Variants in PDPR observed in about 807,000 individuals in gnomAD.
The protein encoded by PDPR is pyruvate dehydrogenase phosphatase regulatory subunit.
In PDPR, 50 loss-of-function variants were observed where a neutral mutation model predicts 102.2. The observed-to-expected ratio is 0.49, with a 90% CI of 0.39 to 0.62. The LOEUF (loss-of-function observed/expected upper bound fraction) is 0.62, where lower values mean the gene tolerates loss of function less well. Among genes scored for constraint, PDPR ranks in the 20% least tolerant of loss-of-function variants. The pLI, the probability that PDPR is intolerant of heterozygous loss-of-function variation, is 0.00. For synonymous variants in PDPR, 259 were observed against 406.0 expected, an observed-to-expected ratio of 0.64 and a Z score of 4.35; for missense variants, 625 against 1,098.2, an observed-to-expected ratio of 0.57 and a Z score of 6.09.
At chr16:70,128,424 CACCATGCTG>C (rs1215209711) in intron 4 of PDPR, among the ~76,000 whole-genome samples, 1 of 152,242 alleles carries the variant, frequency 6.6e-6, no homozygotes, top group Non-Finnish European at 1.5e-5. Context: ...GACAGGGTTT[CACCATGCTG>C]GCCAGGCTGG....
rs541394087 is a variant in PDPR, at chr16:70,136,301, A to G, written c.1105A>G (p.Met369Val). ...CTTCACACCAGACATGAGGTGCATCATGGGCGAGTCTCCTGCAGTGCAGGG... is the reference window on the plus strand; with the variant it reads ...CTTCACACCAGACATGAGGTGCATCGTGGGCGAGTCTCCTGCAGTGCAGGG... ...ETFTPDMRCIMGESPAVQGYF... is the reference protein window; with the variant it reads ...ETFTPDMRCIVGESPAVQGYF... The change falls in exon 10 of 19, where the codon ATG (methionine) becomes GTG (valine). Residue 369 changes from methionine to valine, a missense_variant. This residue lies in a region of PDPR where 50 missense variants were observed against 79.9 expected (regional missense o/e 0.63). Coordinates refer to ENST00000288050, the MANE Select transcript of PDPR (RefSeq NM_017990.5). 1.5e-5 allele frequency: 24 copies of G among 1,613,604 alleles called. No homozygotes were observed. In the East Asian group the frequency reaches 5.1e-4, roughly 34 times the overall value.
chr16:70,133,209 G>C (rs563753053), intron 9 of PDPR, among the ~76,000 whole-genome samples: 1 of 146,286 alleles, frequency 6.8e-6, no homozygotes, highest in Admixed American at 7.2e-5. Context: ...CTGCCTCCCC[G>C]GTTCAAGTGA....
chr16:70,133,741 G>GTTTTTTTGT (rs1555524469), intron 9 of PDPR, among the ~76,000 whole-genome samples: 7 of 149,064 alleles, frequency 4.7e-5, no homozygotes, highest in Non-Finnish European at 1.0e-4. Context: ...TTGTTTTTTT[G>GTTTTTTTGT]TTTTTTTTTG....
intron 17 of PDPR, among the ~76,000 whole-genome samples, chr16:70,149,591 C>CT (rs1270871455): frequency 6.6e-6 from 1 of 152,220 alleles, no homozygotes; most frequent in African/African-American, 2.4e-5. Flanking sequence ...TCTTAGAGCT[C>CT]TTTCTTTGTT....
intron 6 of PDPR, 44 bp from the exon 7 acceptor site, chr16:70,130,379 G>A (rs373147424): frequency 1.4e-4 from 221 of 1,607,298 alleles, no homozygotes; most frequent in Admixed American, 5.1e-4. Flanking sequence ...CCTTCATTCT[G>A]GAACATCAGA....
At chr16:70,154,518 G>A (rs564226918) in intron 18 of PDPR, among the ~76,000 whole-genome samples, 16 of 152,394 alleles carry the variant, frequency 1.0e-4, no homozygotes, top group East Asian at 5.8e-4. Context: ...GTGTTCTGCT[G>A]TCTAAAAGAC....
chr16:70,123,280 A>G (rs1963541442), intron 3 of PDPR, among the ~76,000 whole-genome samples: 1 of 152,282 alleles, frequency 6.6e-6, no homozygotes, highest in Admixed American at 6.5e-5. Context: ...GCTGTCACTC[A>G]GGCTGGAGTG....
At chr16:70,122,269 G>A (rs1407598253) in intron 3 of PDPR, among the ~76,000 whole-genome samples, 3 of 152,280 alleles carry the variant, frequency 2.0e-5, no homozygotes, top group Non-Finnish European at 4.4e-5. Flanking sequence ...TTACAGGCGC[G>A]AGCCACCACA....
At position 70,129,028 on chromosome 16, in the gene PDPR, G is replaced by A. The variant is rs1245588884; in HGVS notation, c.513G>A (p.Val171=). 2 of 1,613,778 alleles carry A rather than the reference G, an allele frequency of 1.2e-6. No homozygotes were observed. The highest frequency in any genetic ancestry group is 2.7e-5 in the African/African-American group (2 of 74,956). The change falls in exon 6 of 19, where the codon GTG becomes GTA. Residue 171 remains valine, a synonymous_variant. Coordinates refer to ENST00000288050, the MANE Select transcript of PDPR (RefSeq NM_017990.5). ...KVAELHHLLN[V]HDLVGAMHVP... is the part of the protein sequence containing the mutation. ...CCGAGCTTCACCATCTCCTCAACGT[G>A]CACGACCTGGTGGGGGCCATGCATG...
intron 17 of PDPR, among the ~76,000 whole-genome samples, chr16:70,150,453 T>A (rs559571077): frequency 6.6e-6 from 1 of 152,330 alleles, no homozygotes; most frequent in Non-Finnish European, 1.5e-5. Context: ...TTGTGACAGG[T>A]AGCAATCAAT....
In PDPR at chr16:70,127,846, T is replaced by C. The variant is rs1283552629; in HGVS notation, c.361+453T>C. 3.9e-5 allele frequency among the ~76,000 whole-genome samples: 6 copies of C among 152,304 alleles called. No homozygotes were observed. The East Asian group carries it at 1.2e-3, about 29-fold the overall frequency. ...GAGCTTGTTGGGAGGAGCTTGGGCC[T>C]GTGGAGTTGGCAGGAGGCTGCCAGC... On this transcript the variant is annotated intron_variant, in intron 4 of 18. Coordinates refer to ENST00000288050, the MANE Select transcript of PDPR (RefSeq NM_017990.5).
At position 70,161,281 on chromosome 16, in the gene PDPR, C is replaced by CAAAA. The variant is rs56353884; in HGVS notation, c.*4418_*4421dup. The CAAAA allele has an allele frequency of 0.2, 25,392 of 128,064 alleles. 665 individuals are homozygous for CAAAA. The highest frequency in any genetic ancestry group is 0.27 in the Non-Finnish European group (16,275 of 60,150). 7.9% of individuals were successfully genotyped at this position (128,064 alleles called of 1,614,324 possible). A position where few individuals can be genotyped will look rare whatever the true frequency, so the allele number is the denominator to read the frequency against. The stretch of plus-strand genomic sequence containing the variant: ...GGGTAACAGAGTGAGACTCTTGTCT[C>CAAAA]AAAAAAAAAAAAAAAAAAATCTAAG... On this transcript the variant is annotated 3_prime_UTR_variant, in exon 19 of 19. Coordinates refer to ENST00000288050, the MANE Select transcript of PDPR (RefSeq NM_017990.5).
chr16:70,149,882 C>G (rs1966571583), intron 17 of PDPR, among the ~76,000 whole-genome samples: 1 of 152,218 alleles, frequency 6.6e-6, no homozygotes, highest in South Asian at 2.1e-4. Context: ...GCTCCGCCTC[C>G]CGGGTTCACG....
At chr16:70,156,269 AC>A (rs1337289384) in intron 18 of PDPR, 3 of 625,858 alleles carry the variant, frequency 4.8e-6, no homozygotes, top group East Asian at 2.8e-5. Flanking sequence ...CTCTGTTGTT[AC>A]AAAAATTACC....
At chr16:70,133,420 C>CTTTTTTTTTTT (rs1964749817) in intron 9 of PDPR, among the ~76,000 whole-genome samples, 2 of 76,766 alleles carry the variant, frequency 2.6e-5, no homozygotes, top group African/African-American at 1.3e-4. Context: ...CTGCGTCTGG[C>CTTTTTTTTTTT]CTTTTTTTTT....
Position 70,156,543 on chromosome 16 carries a change from C to G in PDPR, c.2304C>G (p.Thr768=). The G allele has an allele frequency of 6.2e-7, 1 of 1,614,086 alleles. No individual in the cohort carries two copies. The highest frequency in any genetic ancestry group is 8.5e-7 in the Non-Finnish European group (1 of 1,179,910). Residue 768 remains threonine (T), a synonymous_variant, in exon 19 of 19, where the codon ACC becomes ACG. Transcript: ENST00000288050. ...AGAATGGAGTGTATAAACGCCTCAC[C>G]ATGTTCATCCTGGACGACCATGATT... The part of the protein sequence containing the change: ...QKQNGVYKRL[T]MFILDDHDSD...
At chr16:70,140,104 G>A (rs1401377101) in intron 11 of PDPR, among the ~76,000 whole-genome samples, 1 of 152,280 alleles carries the variant, frequency 6.6e-6, no homozygotes. Context: ...GGGACGTTGA[G>A]GGAGGTAGGT....
chr16:70,159,948 T>C lies in PDPR; in HGVS notation c.*3069T>C, dbSNP rs1377437626. The C allele has an allele frequency of 6.5e-6, 1 of 153,292 alleles. No individual in the cohort carries two copies. The highest frequency in any genetic ancestry group is 2.4e-5 in the African/African-American group (1 of 41,496). 9.5% of individuals were successfully genotyped at this position (153,292 alleles called of 1,614,324 possible). On this transcript the variant is annotated 3_prime_UTR_variant, in exon 19 of 19. Coordinates refer to ENST00000288050, the MANE Select transcript of PDPR (RefSeq NM_017990.5). ...TAGAGATTTGAAGGATTTTGGACTC[T>C]TGTGAATGGGTGACTGGACTTGGCT...
intron 2 of PDPR, among the ~76,000 whole-genome samples, chr16:70,117,851 G>T (rs894553644): frequency 2.0e-5 from 3 of 152,146 alleles, no homozygotes; most frequent in African/African-American, 7.2e-5. Flanking sequence ...CCAGCACTTT[G>T]GGAGGCCAAG....
Sources: allele counts gnomAD v4.1 joint callset (sites outside exome capture counted in the v4.1 genomes callset), GRCh38; gene constraint gnomAD v4.1.1; regional missense constraint gnomAD v4.1.1; transcripts MANE v1.5; gene names NCBI Gene and HGNC (gene_info 2026-07-23, HGNC 2026-07-21).